STIM1: variants seen among roughly 807,000 people sequenced by gnomAD.
STIM1 encodes stromal interaction molecule 1.
Under a neutral mutation model 74.7 loss-of-function variants are expected in STIM1, and 25 were observed. That is an observed-to-expected ratio of 0.33 (90% CI 0.24 to 0.47). STIM1 has a LOEUF of 0.47. STIM1 is among the 20% of genes least tolerant of loss of function. The probability of loss-of-function intolerance (pLI) is 1.00; values close to 1 mark genes in which losing one functional copy is unlikely to be tolerated. For synonymous variants in STIM1, 328 were observed against 348.8 expected (o/e 0.94, Z 0.66); for missense variants, 728 against 920.8 (o/e 0.79, Z 2.71).
intron 1 of STIM1, among the ~76,000 whole-genome samples, chr11:3,900,416 G>A (rs575989016): frequency 6.6e-6 from 1 of 152,276 alleles, no homozygotes; most frequent in African/African-American, 2.4e-5. Context: ...CCCTGCTTCG[G>A]CTCGTGCACG....
At chr11:4,039,966 A>C (rs1441239873) in intron 3 of STIM1, among the ~76,000 whole-genome samples, 3 of 151,948 alleles carry the variant, frequency 2.0e-5, no homozygotes, top group African/African-American at 7.2e-5. Flanking sequence ...ATGGGGTTTC[A>C]TCATGTTGGC....
intron 2 of STIM1, among the ~76,000 whole-genome samples, chr11:3,977,437 A>G (rs2135782144): frequency 6.6e-6 from 1 of 152,308 alleles, no homozygotes; most frequent in Admixed American, 6.5e-5. Context: ...TATGCTCTGG[A>G]ATCATACAGA....
chr11:3,943,176 G>A (rs555194267), intron 1 of STIM1, among the ~76,000 whole-genome samples: 1 of 152,260 alleles, frequency 6.6e-6, no homozygotes, highest in East Asian at 1.9e-4. Context: ...AGCTCTGAGG[G>A]CATCTTCTTT....
At chr11:3,993,975 G>A (rs775775610) in intron 2 of STIM1, among the ~76,000 whole-genome samples, 7 of 152,166 alleles carry the variant, frequency 4.6e-5, no homozygotes, top group Non-Finnish European at 8.8e-5. Context: ...CTCACTGTTG[G>A]TACTTTTTTG....
rs558528733 is a variant in STIM1 at position 3,997,610 on chromosome 11, G to A, written c.271-26263G>A. 1.1e-4 allele frequency among the ~76,000 whole-genome samples: 16 copies of A among 152,300 alleles called. No individual in the cohort carries two copies. In the South Asian group the frequency reaches 3.3e-3, roughly 32 times the overall value. ...TAATCCGGATCTCAACAGATGACTA[G>A]GAGTGATAAGGAGAATGTTTTAAGT... is the stretch of plus-strand genomic sequence containing the variant. On this transcript the variant is annotated intron_variant, in intron 2 of 12. Transcript: ENST00000526596.
chr11:4,020,450 T>C (rs1244604500), intron 2 of STIM1, among the ~76,000 whole-genome samples: 1 of 152,216 alleles, frequency 6.6e-6, no homozygotes, highest in African/African-American at 2.4e-5. Flanking sequence ...TCTATATCCT[T>C]GGCAGCATTT....
Position 4,076,525 on chromosome 11 carries a change from T to C in STIM1, c.969+1846T>C, listed in dbSNP as rs574149002. ...AAAAAAAAAAAAAAAAAATTGATGC[T>C]TTTTGCTTTTTGTTTCTTGTTCAAG... is the stretch of plus-strand genomic sequence containing the variant. On this transcript the variant is annotated intron_variant, in intron 7 of 12. Coordinates refer to ENST00000526596, the MANE Select transcript of STIM1 (RefSeq NM_001382567.1). Among the ~76,000 whole-genome samples, 4 of 150,202 alleles carry C rather than the reference T, an allele frequency of 2.7e-5. No homozygotes were observed. The South Asian group carries it at 8.4e-4, about 32-fold the overall frequency.
intron 1 of STIM1, among the ~76,000 whole-genome samples, chr11:3,866,179 C>A (rs2090850275): frequency 6.6e-6 from 1 of 152,160 alleles, no homozygotes; most frequent in South Asian, 2.1e-4. Flanking sequence ...TTGTTCTGAT[C>A]TGCAGAACAA....
intron 2 of STIM1, among the ~76,000 whole-genome samples, chr11:3,986,855 A>G (rs1401119834): frequency 6.6e-6 from 1 of 152,164 alleles, no homozygotes; most frequent in Non-Finnish European, 1.5e-5. Flanking sequence ...GCAAATTTCT[A>G]TAGTTGTTGT....
At chr11:3,904,983 G>C (rs969144590) in intron 1 of STIM1, among the ~76,000 whole-genome samples, 1 of 152,084 alleles carries the variant, frequency 6.6e-6, no homozygotes, top group Non-Finnish European at 1.5e-5. Flanking sequence ...GGGAAAGAAA[G>C]GGGGTTAAGG....
At chr11:3,948,329 G>T (rs954307677) in intron 1 of STIM1, among the ~76,000 whole-genome samples, 10 of 151,860 alleles carry the variant, frequency 6.6e-5, no homozygotes, top group African/African-American at 2.4e-4. Context: ...CTTCTTCTAG[G>T]TGGTTATTAT....
chr11:3,936,834 G>C (rs1056034986), intron 1 of STIM1, among the ~76,000 whole-genome samples: 14 of 152,302 alleles, frequency 9.2e-5, no homozygotes, highest in African/African-American at 3.4e-4. Context: ...TTGAAAGGCT[G>C]TTCTTTGGCA....
At chr11:3,929,959 A>T (rs2092837622) in intron 1 of STIM1, among the ~76,000 whole-genome samples, 1 of 152,042 alleles carries the variant, frequency 6.6e-6, no homozygotes, top group African/African-American at 2.4e-5. Context: ...GCTTGCTGGT[A>T]ATTTCTTCAG....
intron 2 of STIM1, among the ~76,000 whole-genome samples, chr11:4,016,139 A>G (rs1254261814): frequency 6.6e-6 from 1 of 151,904 alleles, no homozygotes; most frequent in East Asian, 1.9e-4. Flanking sequence ...AGTTTTTGGA[A>G]TTTTCAGCCT....
At chr11:3,859,640 C>G (rs992703928) in intron 1 of STIM1, among the ~76,000 whole-genome samples, 77 of 152,338 alleles carry the variant, frequency 5.1e-4, no homozygotes, top group African/African-American at 1.9e-3. Flanking sequence ...GCTTCTCAAT[C>G]AACCTCTGAT....
intron 2 of STIM1, among the ~76,000 whole-genome samples, chr11:4,016,785 C>T (rs924546782): frequency 5.3e-5 from 8 of 152,214 alleles, no homozygotes; most frequent in African/African-American, 1.9e-4. Flanking sequence ...GGTGGATGCC[C>T]CTCCCCCCAC....
chr11:4,015,413 A>G (rs61589687), intron 2 of STIM1, among the ~76,000 whole-genome samples: 7,130 of 152,244 alleles, frequency 0.047, 516 homozygotes, highest in African/African-American at 0.16. Flanking sequence ...CAAGAGATCC[A>G]CTGTTAGTCT....
At chr11:3,906,215 T>A (rs1269527793) in intron 1 of STIM1, among the ~76,000 whole-genome samples, 1 of 152,248 alleles carries the variant, frequency 6.6e-6, no homozygotes, top group South Asian at 2.1e-4. Context: ...GGTAGGCTTC[T>A]TCCTAAGTAT....
At chr11:3,991,898 C>T (rs59242983) in intron 2 of STIM1, among the ~76,000 whole-genome samples, 7,374 of 132,608 alleles carry the variant, frequency 0.056, 314 homozygotes, top group East Asian at 0.21. Context: ...TGCGGTGAGC[C>T]GAGATCGTGC....
Sources: gnomAD v4.1 joint callset for allele counts (sites outside exome capture counted in the v4.1 genomes callset) on GRCh38, gnomAD v4.1.1 for gene constraint, MANE v1.5 for transcripts, NCBI Gene and HGNC (gene_info 2026-07-23, HGNC 2026-07-21) for gene names.